Variants in ADAM32 observed in about 807,000 individuals in gnomAD.
ADAM32 encodes ADAM metallopeptidase domain 32.
In ADAM32, 89 loss-of-function variants were observed where a neutral mutation model predicts 114.9. The ratio of observed to expected loss-of-function variants is 0.77; its 90% confidence interval spans 0.65 to 0.92. The LOEUF is 0.92. ADAM32 is among the 40% of genes least tolerant of loss of function. The pLI, the probability that ADAM32 is intolerant of heterozygous loss-of-function variation, is 0.00. For synonymous variants in ADAM32, 285 were observed against 307.5 expected (o/e 0.93, Z 0.77); for missense variants, 870 against 932.8 (o/e 0.93, Z 0.88).
chr8:39,198,360 T>C (rs1404332596), intron 11 of ADAM32, among the ~76,000 whole-genome samples: 1 of 152,150 alleles, frequency 6.6e-6, no homozygotes, highest in Admixed American at 6.5e-5. Flanking sequence ...TTCTGATTGA[T>C]ATATTCTTTC....
intron 24 of ADAM32, 40 bp downstream of exon 24, chr8:39,283,664 T>C (rs1813589408): frequency 2.0e-6 from 3 of 1,504,368 alleles, no homozygotes; most frequent in South Asian, 1.2e-5. Flanking sequence ...TAAATACATG[T>C]ATAAAATTAA....
chr8:39,278,754 G>T (rs1255161806), intron 22 of ADAM32, among the ~76,000 whole-genome samples: 1 of 151,822 alleles, frequency 6.6e-6, no homozygotes, highest in Non-Finnish European at 1.5e-5. Flanking sequence ...TGAATCCATT[G>T]ATTTTTCATT....
chr8:39,180,379 C>T (rs191489036), intron 10 of ADAM32, among the ~76,000 whole-genome samples: 2 of 152,344 alleles, frequency 1.3e-5, no homozygotes, highest in African/African-American at 4.8e-5. Flanking sequence ...CTGCAGCCCG[C>T]CATGCCTAAG....
intron 5 of ADAM32, among the ~76,000 whole-genome samples, 178 bp downstream of exon 5, chr8:39,150,045 C>T (rs1409472547): frequency 2.0e-5 from 3 of 152,068 alleles, no homozygotes; most frequent in Non-Finnish European, 4.4e-5. Context: ...CCTCAGTGAC[C>T]AGAGACATTT....
Position 39,124,440 on chromosome 8 carries a change from C to T in ADAM32, c.138+6275C>T, listed in dbSNP as rs534643595. Among the ~76,000 whole-genome samples, 69 of 145,318 alleles carry T rather than the reference C, an allele frequency of 4.7e-4. No homozygotes were observed. The South Asian group carries it at 7.5e-3, about 16-fold the overall frequency. On this transcript the variant is annotated intron_variant, in intron 2 of 24. Coordinates refer to ENST00000379907, the MANE Select transcript of ADAM32 (RefSeq NM_145004.7). ...TTTTTTTTTTTTTTTATTTTTGAGA[C>T]GGAGTCTTGCTCTGTCGACCAGGCT...
chr8:39,220,556 A>G (rs1207855737), intron 12 of ADAM32, among the ~76,000 whole-genome samples: 1 of 151,982 alleles, frequency 6.6e-6, no homozygotes, highest in East Asian at 1.9e-4. Flanking sequence ...ATTTATTCTT[A>G]TAAACTACCA....
intron 3 of ADAM32, among the ~76,000 whole-genome samples, chr8:39,146,641 C>T (rs1291986194): frequency 1.3e-5 from 2 of 152,110 alleles, no homozygotes; most frequent in Non-Finnish European, 2.9e-5. Context: ...AAACTCCTGA[C>T]CTCAGGTGAT....
intron 19 of ADAM32, among the ~76,000 whole-genome samples, chr8:39,262,781 C>T (rs1812121322): frequency 6.6e-6 from 1 of 152,068 alleles, no homozygotes; most frequent in Admixed American, 6.6e-5. Context: ...TTTAGGCTCA[C>T]TGCAATTTCC....
intron 24 of ADAM32, among the ~76,000 whole-genome samples, chr8:39,284,199 T>C (rs1813632249): frequency 6.6e-6 from 1 of 152,196 alleles, no homozygotes; most frequent in East Asian, 1.9e-4. Flanking sequence ...TTGCTCTTGT[T>C]GATAGAATAG....
intron 10 of ADAM32, among the ~76,000 whole-genome samples, chr8:39,171,233 C>T (rs1805171452): frequency 1.3e-5 from 2 of 152,056 alleles, no homozygotes; most frequent in Non-Finnish European, 2.9e-5. Context: ...GCATGAGCCA[C>T]CATGCCTGGC....
chr8:39,199,988 A>C (rs1012470847), intron 11 of ADAM32, among the ~76,000 whole-genome samples: 15 of 152,174 alleles, frequency 9.9e-5, no homozygotes, highest in African/African-American at 3.6e-4. Context: ...TCCATGGTGT[A>C]TATGTGCCAC....
At chr8:39,117,954 C>T in intron 1 of ADAM32, 132 bp from the exon 2 acceptor site, 1 of 507,336 alleles carries the variant, frequency 2.0e-6, no homozygotes, top group Non-Finnish European at 3.4e-6. Context: ...TAAGTGTTTT[C>T]AAGCTTTTTA....
chr8:39,145,868 C>T (rs575571275), intron 3 of ADAM32, among the ~76,000 whole-genome samples: 70 of 152,016 alleles, frequency 4.6e-4, no homozygotes, highest in South Asian at 8.3e-4. Flanking sequence ...GTAGCTGGGA[C>T]CACATGAGCA....
At chr8:39,168,944 G>GAAACAGAGT (rs1282438256) in intron 9 of ADAM32, 1 of 152,160 alleles carries the variant, frequency 6.6e-6, no homozygotes, top group Non-Finnish European at 1.5e-5. Flanking sequence ...GTGGGAGGGA[G>GAAACAGAGT]AAACAGAGTA....
At chr8:39,222,049 CTATT>C (rs1357455255) in intron 13 of ADAM32, among the ~76,000 whole-genome samples, 1 of 151,830 alleles carries the variant, frequency 6.6e-6, no homozygotes, top group Non-Finnish European at 1.5e-5. Flanking sequence ...GAATAAGTAT[CTATT>C]TATGTGTAAT....
intron 11 of ADAM32, among the ~76,000 whole-genome samples, chr8:39,188,383 G>GTCTA (rs1340867732): frequency 1.3e-5 from 2 of 151,832 alleles, no homozygotes; most frequent in Admixed American, 6.6e-5. Context: ...CTGTCTGTCT[G>GTCTA]TCTGTCTATC....
intron 10 of ADAM32, among the ~76,000 whole-genome samples, chr8:39,180,791 C>T (rs1210972909): frequency 2.0e-5 from 3 of 149,102 alleles, no homozygotes; most frequent in Non-Finnish European, 4.4e-5. Flanking sequence ...ATGTCTAGCT[C>T]AGGGATTGTA....
At chr8:39,217,104 A>AAT (rs60287633) in intron 12 of ADAM32, among the ~76,000 whole-genome samples, 93,694 of 136,600 alleles carry the variant, frequency 0.69, 30,895 homozygotes, top group Middle Eastern at 0.8. Flanking sequence ...ATGTTTAAAG[A>AAT]ATATATATAT....
rs184513437 is a variant in ADAM32, at chr8:39,128,030, C to G, written c.139-8627C>G. On this transcript the variant is annotated intron_variant, in intron 2 of 24. Coordinates refer to ENST00000379907, the MANE Select transcript of ADAM32 (RefSeq NM_145004.7). The stretch of plus-strand genomic sequence containing the variant: ...TCTTGAGATTTCTGTAGATATCTAT[C>G]AGGTCTGCTTGATCCAGAGCTGAGT... Among the ~76,000 whole-genome samples the G allele has an allele frequency of 3.3e-4, 50 of 151,938 alleles. No individual in the cohort carries two copies. In the East Asian group the frequency reaches 9.3e-3, roughly 28 times the overall value.
Sources: gnomAD v4.1 joint callset for allele counts (sites outside exome capture counted in the v4.1 genomes callset) on GRCh38, gnomAD v4.1.1 for gene constraint, MANE v1.5 for transcripts, NCBI Gene and HGNC (gene_info 2026-07-23, HGNC 2026-07-21) for gene names.